AGMO: variants seen among roughly 807,000 people sequenced by gnomAD.
AGMO encodes glyceryl-ether monooxygenase.
In AGMO, 75 loss-of-function variants were observed where a neutral mutation model predicts 60.2. The ratio of observed to expected loss-of-function variants is 1.25; its 90% confidence interval spans 1.03 to 1.51. AGMO has a LOEUF of 1.51. AGMO is among the 40% of genes most tolerant of loss of function. The pLI is 0.00. For synonymous variants in AGMO, 261 were observed against 177.1 expected (o/e 1.47, Z -3.76); for missense variants, 763 against 525.5 (o/e 1.45, Z -4.42).
Position 15,215,531 on chromosome 7 carries a change from G to C in AGMO, c.1264-14172C>G, listed in dbSNP as rs528189195. Among the ~76,000 whole-genome samples the C allele has an allele frequency of 2.5e-4, 38 of 152,044 alleles. 1 individual carries two copies. The South Asian group carries it at 3.9e-3, about 16-fold the overall frequency. On this transcript the variant is annotated intron_variant, in intron 12 of 12. Transcript: ENST00000342526. ...TTTTCAAAACACACACAGTGGAACAGATGTGTTTTATAGAGACTGCAAAAT... is the reference window on the plus strand; with the variant it reads ...TTTTCAAAACACACACAGTGGAACACATGTGTTTTATAGAGACTGCAAAAT...
intron 5 of AGMO, among the ~76,000 whole-genome samples, chr7:15,417,686 C>T (rs28719030): frequency 0.097 from 14,769 of 152,194 alleles, 848 homozygotes; most frequent in South Asian, 0.15. Flanking sequence ...CGGTAACAGT[C>T]TCTTTATTCC....
At chr7:15,364,805 T>G (rs2128560892) in intron 12 of AGMO, among the ~76,000 whole-genome samples, 1 of 152,236 alleles carries the variant, frequency 6.6e-6, no homozygotes, top group Non-Finnish European at 1.5e-5. Context: ...TATTTATGTT[T>G]AATGCTTAAA....
At chr7:15,406,655 ATATATATGGAATATACATATATATGTG>A (rs1313232775) in intron 5 of AGMO, among the ~76,000 whole-genome samples, 3 of 55,604 alleles carry the variant, frequency 5.4e-5, no homozygotes, top group Non-Finnish European at 1.1e-4. Context: ...ATATATGTGT[ATATATATGGAATATACATATATATGTG>A]TATATATATG....
chr7:15,419,870 C>T (rs10264776), intron 4 of AGMO, among the ~76,000 whole-genome samples: 25,288 of 151,842 alleles, frequency 0.17, 2,259 homozygotes, highest in Middle Eastern at 0.23. Flanking sequence ...CCATTTAAAA[C>T]ATAGTCATCC....
At chr7:15,155,190 G>C in the AGMO span, among the ~76,000 whole-genome samples, 103 of 152,162 alleles carry the variant, frequency 6.8e-4, no homozygotes, top group African/African-American at 2.4e-3. Flanking sequence ...CTCAAATATG[G>C]TTTCCAAGTT....
At chr7:15,365,395 A>AAAAAAAAAAAAAAAG in intron 12 of AGMO, 119 bp downstream of exon 12, 2 of 477,676 alleles carry the variant, frequency 4.2e-6, no homozygotes, top group East Asian at 7.3e-5. Context: ...AAAAAAAAAA[A>AAAAAAAAAAAAAAAG]GATCAAGATT....
intron 12 of AGMO, among the ~76,000 whole-genome samples, chr7:15,317,035 A>T (rs1780947117): frequency 6.6e-6 from 1 of 152,180 alleles, no homozygotes. Flanking sequence ...ATTGTTATTA[A>T]AAAGTCAGTA....
chr7:15,352,226 T>C (rs923807755), intron 12 of AGMO, among the ~76,000 whole-genome samples: 2 of 152,054 alleles, frequency 1.3e-5, no homozygotes, highest in African/African-American at 4.8e-5. Context: ...AAATATACAA[T>C]CCAAATTTAA....
At chr7:15,267,508 C>G (rs1783468105) in intron 12 of AGMO, among the ~76,000 whole-genome samples, 1 of 151,928 alleles carries the variant, frequency 6.6e-6, no homozygotes, top group African/African-American at 2.4e-5. Flanking sequence ...TCCCTTCATT[C>G]AATATTTTAC....
chr7:15,369,610 C>T (rs1444829987), intron 10 of AGMO, among the ~76,000 whole-genome samples: 1 of 152,070 alleles, frequency 6.6e-6, no homozygotes, highest in Non-Finnish European at 1.5e-5. Context: ...TAGTACTTCT[C>T]CATAACTCTC....
At chr7:15,542,142 T>A (rs1784645675) in intron 3 of AGMO, among the ~76,000 whole-genome samples, 1 of 152,166 alleles carries the variant, frequency 6.6e-6, no homozygotes, top group Non-Finnish European at 1.5e-5. Context: ...TTTTACAGTA[T>A]TATTTACAAA....
chr7:15,195,479 G>A (rs542772625), downstream of AGMO, among the ~76,000 whole-genome samples: 3 of 152,328 alleles, frequency 2.0e-5, no homozygotes, highest in South Asian at 2.1e-4. Context: ...GTACTGCGAA[G>A]AAGCTTGTCA....
At chr7:15,291,387 A>G (rs1784258277) in intron 12 of AGMO, among the ~76,000 whole-genome samples, 1 of 152,184 alleles carries the variant, frequency 6.6e-6, no homozygotes, top group Non-Finnish European at 1.5e-5. Flanking sequence ...TACACAAAGC[A>G]GATGTTTTCT....
chr7:15,454,552 C>A (rs1460900190), intron 3 of AGMO, among the ~76,000 whole-genome samples: 1 of 151,980 alleles, frequency 6.6e-6, no homozygotes, highest in Admixed American at 6.6e-5. Flanking sequence ...ATAAGATCGT[C>A]ATTGTTAACA....
At chr7:15,527,007 C>T (rs574598827) in intron 3 of AGMO, among the ~76,000 whole-genome samples, 1 of 152,114 alleles carries the variant, frequency 6.6e-6, no homozygotes, top group Admixed American at 6.5e-5. Flanking sequence ...CCTGCAGTTC[C>T]CCTGTCTTTC....
chr7:15,357,526 C>G (rs774024183), intron 12 of AGMO, among the ~76,000 whole-genome samples: 2 of 152,096 alleles, frequency 1.3e-5, no homozygotes, highest in Non-Finnish European at 2.9e-5. Flanking sequence ...ATTTCCCCAC[C>G]CTTTGATTTT....
At chr7:15,279,959 G>T (rs147363841) in intron 12 of AGMO, among the ~76,000 whole-genome samples, 1 of 152,194 alleles carries the variant, frequency 6.6e-6, no homozygotes, top group African/African-American at 2.4e-5. Context: ...CCTCACAGGG[G>T]CCTTGAAGAA....
intron 12 of AGMO, among the ~76,000 whole-genome samples, chr7:15,297,410 TATC>T (rs1784435732): frequency 6.6e-6 from 1 of 152,176 alleles, no homozygotes; most frequent in African/African-American, 2.4e-5. Flanking sequence ...TCAAGTCAAA[TATC>T]ATTACAGAAA....
intron 3 of AGMO, among the ~76,000 whole-genome samples, chr7:15,485,476 T>G (rs1230477346): frequency 6.6e-6 from 1 of 152,162 alleles, no homozygotes; most frequent in African/African-American, 2.4e-5. Context: ...TGTCATAAGC[T>G]TTTAGCAGAC....
Sources: gnomAD v4.1 joint callset for allele counts (sites outside exome capture counted in the v4.1 genomes callset) on GRCh38, gnomAD v4.1.1 for gene constraint, MANE v1.5 for transcripts, NCBI Gene and HGNC (gene_info 2026-07-23, HGNC 2026-07-21) for gene names.